FBXW7: variants seen among roughly 807,000 people sequenced by gnomAD.
FBXW7 encodes the protein F-box/WD repeat-containing protein 7.
In FBXW7, 11 loss-of-function variants were observed where a neutral mutation model predicts 86.3. The ratio of observed to expected loss-of-function variants is 0.13; its 90% CI spans 0.08 to 0.21. The LOEUF (loss-of-function observed/expected upper bound fraction) is 0.21, where lower values mean the gene tolerates loss of function less well. Among genes scored for constraint, FBXW7 ranks in the 10% least tolerant of loss-of-function variants. FBXW7 has a pLI of 1.00. For synonymous variants in FBXW7, 313 were observed against 297.9 expected (o/e 1.05, Z -0.52); for missense variants, 488 against 847.4 (o/e 0.58, Z 5.27).
Position 152,329,655 on chromosome 4 carries a change from AG to A in FBXW7, c.1236+16del. ...ACAAAATTATGACTTTGTGAAGTGT[AG>A]GAAGAGTAAACTTACTTTGCCTGTG... is the stretch of plus-strand genomic sequence containing the variant. On this transcript the variant is annotated intron_variant, in intron 10 of 13. Coordinates refer to ENST00000281708, the MANE Select transcript of FBXW7 (RefSeq NM_001349798.2). 1 of 1,366,776 alleles carries A rather than the reference AG, an allele frequency of 7.3e-7. No individual in the cohort carries two copies. The highest frequency in any genetic ancestry group is 1.5e-5 in the African/African-American group (1 of 67,114). 84.7% of individuals were successfully genotyped at this position (1,366,776 alleles called of 1,614,324 possible).
intron 2 of FBXW7, among the ~76,000 whole-genome samples, chr4:152,494,559 G>A (rs1746142818): frequency 6.6e-6 from 1 of 152,164 alleles, no homozygotes; most frequent in East Asian, 1.9e-4. Flanking sequence ...AGTTAATCCA[G>A]AATTAGGATT....
At chr4:152,333,481 A>G (rs1003959606) in intron 7 of FBXW7, among the ~76,000 whole-genome samples, 39 of 151,318 alleles carry the variant, frequency 2.6e-4, no homozygotes, top group South Asian at 8.4e-4. Flanking sequence ...AAATAAAGAG[A>G]AAAAAAAAGA....
intron 4 of FBXW7, among the ~76,000 whole-genome samples, chr4:152,379,965 T>C (rs1346312738): frequency 6.6e-6 from 1 of 152,210 alleles, no homozygotes; most frequent in Non-Finnish European, 1.5e-5. Flanking sequence ...ATATTAACTG[T>C]GCAAACATTA....
At chr4:152,518,820 T>A (rs1579416009) in intron 2 of FBXW7, among the ~76,000 whole-genome samples, 1 of 152,168 alleles carries the variant, frequency 6.6e-6, no homozygotes, top group East Asian at 1.9e-4. Context: ...TTATTTTAAA[T>A]ATCCTAATGA....
intron 2 of FBXW7, among the ~76,000 whole-genome samples, chr4:152,525,383 T>C (rs1749415813): frequency 6.6e-6 from 1 of 152,212 alleles, no homozygotes; most frequent in African/African-American, 2.4e-5. Context: ...CACGAGGGTG[T>C]GCTGTACTTA....
At chr4:152,496,825 G>A (rs929596674) in intron 2 of FBXW7, among the ~76,000 whole-genome samples, 2 of 151,980 alleles carry the variant, frequency 1.3e-5, no homozygotes, top group African/African-American at 4.8e-5. Flanking sequence ...TTTTCATTAG[G>A]GTCAGGGTGA....
intron 2 of FBXW7, among the ~76,000 whole-genome samples, chr4:152,461,128 T>C (rs1195869977): frequency 1.3e-5 from 2 of 151,962 alleles, no homozygotes; most frequent in Non-Finnish European, 2.9e-5. Context: ...CTACTAAAAA[T>C]ACAAAAATTA....
intron 4 of FBXW7, among the ~76,000 whole-genome samples, chr4:152,361,200 T>C (rs536952726): frequency 7.9e-5 from 12 of 152,322 alleles, no homozygotes; most frequent in African/African-American, 2.9e-4. Context: ...TGTAGCTTGC[T>C]TGTTCTTTAA....
chr4:152,415,256 T>G (rs1434884848), intron 2 of FBXW7, among the ~76,000 whole-genome samples: 1 of 152,114 alleles, frequency 6.6e-6, no homozygotes, highest in Non-Finnish European at 1.5e-5. Context: ...TTTATACCAA[T>G]AAAACAAGAA....
chr4:152,360,140 A>G (rs993629915), intron 4 of FBXW7, among the ~76,000 whole-genome samples: 2 of 152,240 alleles, frequency 1.3e-5, no homozygotes, highest in African/African-American at 4.8e-5. Flanking sequence ...GTTATTTAAC[A>G]TATTGTTAAA....
chr4:152,369,678 A>T (rs1210694086), intron 4 of FBXW7, among the ~76,000 whole-genome samples: 1 of 152,078 alleles, frequency 6.6e-6, no homozygotes, highest in East Asian at 1.9e-4. Context: ...ATATTGAAAA[A>T]TTAAGACTGT....
At chr4:152,500,596 G>A (rs1386675692) in intron 2 of FBXW7, among the ~76,000 whole-genome samples, 1 of 151,088 alleles carries the variant, frequency 6.6e-6, no homozygotes, top group Non-Finnish European at 1.5e-5. Flanking sequence ...TCTGACTCCA[G>A]TTACAGGTAT....
intron 8 of FBXW7, among the ~76,000 whole-genome samples, chr4:152,331,964 C>G (rs894757711): frequency 6.6e-6 from 1 of 152,014 alleles, no homozygotes; most frequent in Non-Finnish European, 1.5e-5. Flanking sequence ...TTGACTATAA[C>G]TACCATGAAG....
At chr4:152,402,436 C>T (rs1450009079) in intron 4 of FBXW7, among the ~76,000 whole-genome samples, 1 of 152,094 alleles carries the variant, frequency 6.6e-6, no homozygotes, top group African/African-American at 2.4e-5. Context: ...GTTGAGGCAA[C>T]ATTTGGGGAC....
intron 4 of FBXW7, among the ~76,000 whole-genome samples, chr4:152,389,288 T>C (rs1165964041): frequency 6.6e-6 from 1 of 152,094 alleles, no homozygotes; most frequent in Non-Finnish European, 1.5e-5. Flanking sequence ...ACTGGGCATC[T>C]ACCCAAAAGA....
intron 2 of FBXW7, among the ~76,000 whole-genome samples, chr4:152,488,721 CTT>C (rs1051294864): frequency 3.3e-5 from 5 of 152,044 alleles, no homozygotes; most frequent in African/African-American, 1.2e-4. Context: ...TAATTATTCT[CTT>C]GTGTTTTCCC....
chr4:152,391,260 C>G (rs1735970745), intron 4 of FBXW7, among the ~76,000 whole-genome samples: 1 of 152,018 alleles, frequency 6.6e-6, no homozygotes, highest in African/African-American at 2.4e-5. Context: ...ATATTTAGAA[C>G]TTAATTCTTG....
intron 2 of FBXW7, among the ~76,000 whole-genome samples, chr4:152,478,665 C>T (rs1744626385): frequency 6.6e-6 from 1 of 152,030 alleles, no homozygotes; most frequent in Non-Finnish European, 1.5e-5. Context: ...GCAGCTGTAC[C>T]ATTTTACGTT....
chr4:152,451,701 A>G (rs1360530081), intron 2 of FBXW7: 1 of 151,808 alleles, frequency 6.6e-6, no homozygotes, highest in Non-Finnish European at 1.5e-5. Context: ...CTAAAGTGGG[A>G]AGATCACTTG....
Sources: gnomAD v4.1 joint callset for allele counts (sites outside exome capture counted in the v4.1 genomes callset) on GRCh38, gnomAD v4.1.1 for gene constraint, MANE v1.5 for transcripts, NCBI Gene and HGNC (gene_info 2026-07-23, HGNC 2026-07-21) for gene names.